Variants in TGFBR3L observed in about 807,000 individuals in gnomAD.
The protein encoded by TGFBR3L is transforming growth factor-beta receptor type 3-like protein.
A neutral mutation model predicts 20.4 loss-of-function variants in TGFBR3L; 21 were observed. The observed-to-expected ratio is 1.03, with a 90% CI of 0.73 to 1.48. The LOEUF is 1.48. Ranked by LOEUF, TGFBR3L falls within the 40% of genes most tolerant of loss-of-function variation. The pLI, the probability that TGFBR3L is intolerant of heterozygous loss-of-function variation, is 0.00. For synonymous variants in TGFBR3L, 245 were observed against 244.2 expected, an observed-to-expected ratio of 1.00 and a Z score of -0.03; for missense variants, 479 against 498.0, an observed-to-expected ratio of 0.96 and a Z score of 0.36.
chr19:7,916,941 G>C lies in TGFBR3L; in HGVS notation c.596G>C (p.Arg199Pro). Reference sequence around the variant, plus strand: ...CCGCCGCCGCCGCCGCCGCCATCGCGGGTGCGCGGGCGCAGAGCCTGGAAT... The same window carrying C: ...CCGCCGCCGCCGCCGCCGCCATCGCCGGTGCGCGGGCGCAGAGCCTGGAAT... Residue 199 changes from arginine to proline, a missense_variant and splice_region_variant, in exon 2 of 6, where the codon CGG becomes CCG. Physicochemically the swap from Arg to Pro is moderately radical, Grantham distance 103. Transcript: ENST00000565886. 2 of 1,286,264 alleles carry C rather than the reference G, an allele frequency of 1.6e-6. No individual in the cohort carries two copies. The highest frequency in any genetic ancestry group is 2.0e-6 in the Non-Finnish European group (2 of 1,024,936). The allele number at this position is 1,286,264 out of a possible 1,614,324, so 79.7% of individuals were successfully genotyped here. A position where few individuals can be genotyped will look rare whatever the true frequency, so the allele number is the denominator to read the frequency against.
chr19:7,917,469 C>A lies in TGFBR3L; in HGVS notation c.598-4C>A. On this transcript the variant is annotated splice_polypyrimidine_tract_variant and splice_region_variant and intron_variant, in intron 2 of 5. Coordinates refer to ENST00000565886, the MANE Select transcript of TGFBR3L (RefSeq NM_001195259.2). ...CGTCTCTTCCCCACCTTCCTCTCCC[C>A]CAGTGTCTGCCTCAGGACGAGGCGT... 6.6e-7 allele frequency: 1 copy of A among 1,524,720 alleles called. No homozygotes were observed. The highest frequency in any genetic ancestry group is 2.6e-5 in the East Asian group (1 of 38,872). 94.4% of individuals were successfully genotyped at this position (1,524,720 alleles called of 1,614,324 possible).
chr19:7,916,863 T>C lies in TGFBR3L; in HGVS notation c.518T>C (p.Leu173Pro). Residue 173 changes from leucine to proline, a missense_variant, in exon 2 of 6, where the codon CTG (leucine) becomes CCG (proline). Leu to Pro is a moderately conservative substitution (Grantham distance 98). Coordinates refer to ENST00000565886, the MANE Select transcript of TGFBR3L (RefSeq NM_001195259.2). Reference sequence around the variant, plus strand: ...TCGGTGCAGTTCCTGCACTGCCAGCTGAGCCGCTGCCGCCGCCTCCGGGGA... The same window carrying C: ...TCGGTGCAGTTCCTGCACTGCCAGCCGAGCCGCTGCCGCCGCCTCCGGGGA... 7.2e-7 allele frequency: 1 copy of C among 1,393,538 alleles called. No homozygotes were observed. Among genetic ancestry groups the C allele is most frequent in the Admixed American group, 2.8e-5 (1 of 35,710 alleles). 86.3% of individuals were successfully genotyped at this position (1,393,538 alleles called of 1,614,324 possible).
At position 7,916,522 on chromosome 19, in the gene TGFBR3L, C is replaced by T. The variant is rs559933410; in HGVS notation, c.255C>T (p.Ala85=). The change falls in exon 1 of 6, where the codon GCC becomes GCT. Residue 85 remains alanine, a synonymous_variant. Coordinates refer to ENST00000565886, the MANE Select transcript of TGFBR3L (RefSeq NM_001195259.2). ...GCGCGGGGCCGCTCGAGGTCCCGGC[C>T]GACAGCCGCGTGTTCGTGCAGGTGG... is the stretch of plus-strand genomic sequence containing the variant. The T allele has an allele frequency of 1.3e-5, 20 of 1,505,676 alleles. No individual in the cohort carries two copies. The African/African-American group carries it at 1.4e-4, about 10-fold the overall frequency. The allele number at this position is 1,505,676 out of a possible 1,614,324, so 93.3% of individuals were successfully genotyped here.
rs1983359882 is a variant in TGFBR3L at position 7,917,433 on chromosome 19, C to T, written c.598-40C>T. The stretch of plus-strand genomic sequence containing the variant: ...GGGACCAGAGCCACGATCCCGGTGC[C>T]CTGATGTCCCCGTCTCTTCCCCACC... On this transcript the variant is annotated intron_variant, in intron 2 of 5. Coordinates refer to ENST00000565886, the MANE Select transcript of TGFBR3L (RefSeq NM_001195259.2). The T allele has an allele frequency of 7.9e-6, 12 of 1,515,396 alleles. No individual in the cohort carries two copies. In the East Asian group the frequency reaches 3.1e-4, roughly 40 times the overall value. The allele number at this position is 1,515,396 out of a possible 1,614,324, so 93.9% of individuals were successfully genotyped here.
chr19:7,918,014 G>A, intron 4 of TGFBR3L, 43 bp from the exon 6 acceptor site: 1 of 1,523,822 alleles, frequency 6.6e-7, no homozygotes, highest in Non-Finnish European at 8.8e-7. Flanking sequence ...TTAGCCTGGC[G>A]TGGCGCGCAG....
At chr19:7,917,899 C>T in intron 4 of TGFBR3L, 40 bp downstream of exon 5, 1 of 1,381,572 alleles carries the variant, frequency 7.2e-7, no homozygotes, top group Non-Finnish European at 9.3e-7. Context: ...CCAGTCTAAT[C>T]CCGCGCGTCG....
At position 7,917,807 on chromosome 19, in the gene TGFBR3L, C is replaced by A. The variant is rs1983382742; in HGVS notation, c.831C>A (p.Phe277Leu). The change falls in exon 4 of 6, where the codon TTC becomes TTA. Residue 277 changes from phenylalanine (F) to leucine (L), a missense_variant. Coordinates refer to ENST00000565886, the MANE Select transcript of TGFBR3L (RefSeq NM_001195259.2). ...TGGTGGCGCTGGTGTTGGCAGCCTT[C>A]GTGCTGGGCGCCGCGCTGGCCGCCG... The A allele has an allele frequency of 6.4e-6, 9 of 1,411,994 alleles. No homozygotes were observed. The highest frequency in any genetic ancestry group is 8.2e-6 in the Non-Finnish European group (9 of 1,091,102). 87.5% of individuals were successfully genotyped at this position (1,411,994 alleles called of 1,614,324 possible).
At chr19:7,917,169 C>A in intron 2 of TGFBR3L, 2 of 807,646 alleles carry the variant, frequency 2.5e-6, no homozygotes, top group Non-Finnish European at 3.5e-6. Flanking sequence ...GGGTTGGATG[C>A]AGAAGGCCAC....
chr19:7,918,792 A>G (rs1197388787), intron 5 of TGFBR3L, 125 bp from the exon 7 acceptor site: 3 of 397,474 alleles, frequency 7.5e-6, no homozygotes, highest in Non-Finnish European at 8.9e-6. Flanking sequence ...AGAACTCAGC[A>G]TTCGGACCCG....
Position 7,916,151 on chromosome 19 carries a change from G to C in TGFBR3L, c.-117G>C, listed in dbSNP as rs913916927. Reference sequence around the variant, plus strand: ...CCCCAGGGAGGGCTTCGCCAGCTTCGGAGGCTTCTCTAGGGGCGCATGGCT... The same window carrying C: ...CCCCAGGGAGGGCTTCGCCAGCTTCCGAGGCTTCTCTAGGGGCGCATGGCT... On this transcript the variant is annotated 5_prime_UTR_variant, in exon 1 of 6. Coordinates refer to ENST00000565886, the MANE Select transcript of TGFBR3L (RefSeq NM_001195259.2). 7.0e-7 allele frequency: 1 copy of C among 1,436,684 alleles called. No homozygotes were observed. Among genetic ancestry groups the C allele is most frequent in the Non-Finnish European group, 9.1e-7 (1 of 1,099,284 alleles). The allele number at this position is 1,436,684 out of a possible 1,614,324, so 89.0% of individuals were successfully genotyped here.
Position 7,915,949 on chromosome 19 carries a change from C to T in TGFBR3L, c.-319C>T, listed in dbSNP as rs1983262193. Reference sequence around the variant, plus strand: ...GCTTTGGCTGTGCCCAGGAGAGCCTCTTGGGAGGGTATCCTCTTCACTTCC... The same window carrying T: ...GCTTTGGCTGTGCCCAGGAGAGCCTTTTGGGAGGGTATCCTCTTCACTTCC... On this transcript the variant is annotated 5_prime_UTR_variant, in exon 1 of 6. Transcript: ENST00000565886. Among the ~76,000 whole-genome samples, 1 of 152,174 alleles carries T rather than the reference C, an allele frequency of 6.6e-6. No individual in the cohort carries two copies. The highest frequency in any genetic ancestry group is 1.9e-4 in the East Asian group (1 of 5,188).
chr19:7,917,621 G>A, intron 3 of TGFBR3L, 22 bp downstream of exon 4: 1 of 1,445,940 alleles, frequency 6.9e-7, no homozygotes, highest in Non-Finnish European at 9.1e-7. Flanking sequence ...GTCCTCCTCC[G>A]CATGGGGCCG....
At chr19:7,918,812 C>A in intron 5 of TGFBR3L, 105 bp from the exon 7 acceptor site, 1 of 397,706 alleles carries the variant, frequency 2.5e-6, no homozygotes, top group Non-Finnish European at 4.4e-6. Flanking sequence ...GGCTCCCACT[C>A]TCACCCCGGC....
At chr19:7,918,401 T>C (rs1267520296) in intron 5 of TGFBR3L, among the ~76,000 whole-genome samples, 1 of 152,126 alleles carries the variant, frequency 6.6e-6, no homozygotes, top group East Asian at 1.9e-4. Context: ...CACACCCGGC[T>C]AATTTTGTAT....
In TGFBR3L at chr19:7,916,298, C is replaced by A. The variant is rs960879910; in HGVS notation, c.31C>A (p.Leu11Ile). Residue 11 changes from leucine (L) to isoleucine (I), a missense_variant, in exon 1 of 6, where the codon CTT (leucine) becomes ATT (isoleucine). By Grantham distance (5) the Leu-to-Ile change is conservative. Transcript: ENST00000565886. ...TGAATCGGCCGCCGCAACCGCATCC[C>A]TTTTCCAAAGGCGGCGGCGGGGGCG... 2.0e-6 allele frequency: 3 copies of A among 1,535,502 alleles called. No homozygotes were observed. In the East Asian group the frequency reaches 7.3e-5, roughly 38 times the overall value.
rs796439727 is a variant in TGFBR3L at position 7,918,952 on chromosome 19, C to G, written c.*41C>G. 1 of 398,494 alleles carries G rather than the reference C, an allele frequency of 2.5e-6. No individual in the cohort carries two copies. The highest frequency in any genetic ancestry group is 4.4e-6 in the Non-Finnish European group (1 of 226,084). 24.7% of individuals were successfully genotyped at this position (398,494 alleles called of 1,614,324 possible). A position where few individuals can be genotyped will look rare whatever the true frequency, so the allele number is the denominator to read the frequency against. On this transcript the variant is annotated 3_prime_UTR_variant, in exon 6 of 6. Transcript: ENST00000565886. ...CCCCCAACATGGTCCGGAGATACACCCAGCTACCAATTCGGGACCAGGACC... is the reference window on the plus strand; with the variant it reads ...CCCCCAACATGGTCCGGAGATACACGCAGCTACCAATTCGGGACCAGGACC...
intron 5 of TGFBR3L, 68 bp downstream of exon 6, chr19:7,918,197 T>C (rs1983405492): frequency 1.4e-6 from 2 of 1,472,910 alleles, no homozygotes; most frequent in East Asian, 2.5e-5. Flanking sequence ...TAGCGCTTAG[T>C]TCGTGCCAGG....
In TGFBR3L at chr19:7,916,420, C is replaced by G; in HGVS notation, c.153C>G (p.Pro51=). Residue 51 remains proline (P), a synonymous_variant, in exon 1 of 6, where the codon CCC becomes CCG. Coordinates refer to ENST00000565886, the MANE Select transcript of TGFBR3L (RefSeq NM_001195259.2). ...CCGCCCCGCCAGCTCCCCCGTTCCC[C>G]GCGGCGCCCGGCCCCTGGCTGCGCA... 6.5e-7 allele frequency: 1 copy of G among 1,534,868 alleles called. No individual in the cohort carries two copies. Among genetic ancestry groups the G allele is most frequent in the Non-Finnish European group, 8.7e-7 (1 of 1,146,378 alleles).
intron 3 of TGFBR3L, 40 bp downstream of exon 4, chr19:7,917,639 G>C (rs951255671): frequency 8.4e-6 from 12 of 1,428,942 alleles, no homozygotes; most frequent in Middle Eastern, 2.1e-4. Flanking sequence ...CCGTGGGGCG[G>C]CAGAGCGGGT....
Sources: gnomAD v4.1 joint callset for allele counts (sites outside exome capture counted in the v4.1 genomes callset) on GRCh38, gnomAD v4.1.1 for gene constraint, MANE v1.5 for transcripts, NCBI Gene and HGNC (gene_info 2026-07-23, HGNC 2026-07-21) for gene names.